Variants in ADARB2 observed in about 807,000 individuals in gnomAD.
The protein encoded by ADARB2 is inactive double-stranded RNA-specific editase B2.
In ADARB2, 25 loss-of-function variants were observed where a neutral mutation model predicts 62.2. The observed-to-expected ratio is 0.40, with a 90% CI of 0.29 to 0.56. The LOEUF is 0.56. ADARB2 is among the 20% of genes least tolerant of loss of function. ADARB2 has a pLI of 0.43. For missense variants in ADARB2, 1,071 were observed against 1,077.4 expected (o/e 0.99, Z 0.08); for synonymous variants, 572 against 500.8 (o/e 1.14, Z -1.90).
At chr10:1,694,970 G>C (rs1424224711) in intron 1 of ADARB2, among the ~76,000 whole-genome samples, 1 of 152,194 alleles carries the variant, frequency 6.6e-6, no homozygotes, top group Non-Finnish European at 1.5e-5. Context: ...GCCTGCACCG[G>C]GAGGGAGACC....
chr10:1,507,019 G>A (rs75223587), intron 1 of ADARB2, among the ~76,000 whole-genome samples: 2 of 152,344 alleles, frequency 1.3e-5, no homozygotes, highest in East Asian at 1.9e-4. Context: ...CTCCCAGCCT[G>A]TGGCACTCAG....
intron 1 of ADARB2, among the ~76,000 whole-genome samples, chr10:1,596,155 T>C (rs115884820): frequency 5.1e-4 from 78 of 152,378 alleles, no homozygotes; most frequent in African/African-American, 1.8e-3. Flanking sequence ...TTTAGGATGA[T>C]TGTCTTCTAA....
intron 1 of ADARB2, among the ~76,000 whole-genome samples, chr10:1,659,651 C>T (rs1292307639): frequency 6.6e-6 from 1 of 152,244 alleles, no homozygotes; most frequent in Non-Finnish European, 1.5e-5. Flanking sequence ...CTGGTGAACT[C>T]GCCTATGCCC....
At chr10:1,647,351 ATG>A (rs756479455) in intron 1 of ADARB2, among the ~76,000 whole-genome samples, 206 of 152,182 alleles carry the variant, frequency 1.4e-3, no homozygotes, top group African/African-American at 1.9e-3. Context: ...GCATGTATAT[ATG>A]TGTGTGTGCA....
At chr10:1,675,085 G>A (rs1834447908) in intron 1 of ADARB2, 8 of 982,424 alleles carry the variant, frequency 8.1e-6, no homozygotes, top group Non-Finnish European at 8.4e-6. Context: ...TGGGTTAAGG[G>A]ATGTGTGGAT....
intron 3 of ADARB2, among the ~76,000 whole-genome samples, chr10:1,287,938 C>T (rs78881818): frequency 1.3e-4 from 20 of 152,354 alleles, no homozygotes; most frequent in Admixed American, 1.1e-3. Context: ...ACATTGTCCT[C>T]GTCAGACTGG....
At chr10:1,444,281 A>C (rs974568429) in intron 1 of ADARB2, among the ~76,000 whole-genome samples, 6,420 of 117,606 alleles carry the variant, frequency 0.055, 228 homozygotes, top group African/African-American at 0.086. Flanking sequence ...CCATCTATCT[A>C]CATCCATCCA....
chr10:1,642,181 C>G (rs1016061750), intron 1 of ADARB2, among the ~76,000 whole-genome samples: 2 of 149,890 alleles, frequency 1.3e-5, no homozygotes, highest in African/African-American at 5.1e-5. Flanking sequence ...AAATCAAAAC[C>G]AGAACTTGTG....
intron 1 of ADARB2, among the ~76,000 whole-genome samples, chr10:1,599,712 TCCTCTGTCTGGAAG>T (rs1833383092): frequency 6.6e-6 from 1 of 152,162 alleles, no homozygotes; most frequent in Non-Finnish European, 1.5e-5. Context: ...AAGTATCCCT[TCCTCTGTCTGGAAG>T]CCTTTGTGAA....
At chr10:1,555,762 C>G (rs1490805420) in intron 1 of ADARB2, among the ~76,000 whole-genome samples, 1 of 152,150 alleles carries the variant, frequency 6.6e-6, no homozygotes, top group Non-Finnish European at 1.5e-5. Context: ...TGGTGAAACC[C>G]TGTCTCTACT....
chr10:1,643,701 C>A (rs928313659), intron 1 of ADARB2, among the ~76,000 whole-genome samples: 3 of 152,214 alleles, frequency 2.0e-5, no homozygotes, highest in Non-Finnish European at 2.9e-5. Flanking sequence ...TTCATGACCA[C>A]AAAGGTCCCT....
Position 1,420,611 on chromosome 10 carries a change from G to GAAAAAAAA in ADARB2, c.101-41452_101-41451insTTTTTTTT, listed in dbSNP as rs755860726. On this transcript the variant is annotated intron_variant, in intron 1 of 9. Coordinates refer to ENST00000381312, the MANE Select transcript of ADARB2 (RefSeq NM_018702.4). Reference sequence around the variant, plus strand: ...GCAGGTCCTCATCTTCCAGAAAGAGGGAAAAAAAAAAAAAAAAAAGGCAGA... The same window carrying GAAAAAAAA: ...GCAGGTCCTCATCTTCCAGAAAGAGGAAAAAAAAGAAAAAAAAAAAAAAAAAAGGCAGA... 1.7e-5 allele frequency among the ~76,000 whole-genome samples: 2 copies of GAAAAAAAA among 121,124 alleles called. 1 individual carries two copies. The allele number at this position is 121,124 out of a possible 152,430, so 79.5% of individuals were successfully genotyped here.
intron 2 of ADARB2, among the ~76,000 whole-genome samples, chr10:1,371,147 C>G (rs1055812293): frequency 3.3e-5 from 5 of 152,150 alleles, no homozygotes; most frequent in African/African-American, 1.2e-4. Flanking sequence ...TGGTCCGTCT[C>G]CAGCCATCTG....
chr10:1,633,521 G>A (rs1833867368), intron 1 of ADARB2, among the ~76,000 whole-genome samples: 1 of 115,326 alleles, frequency 8.7e-6, no homozygotes, highest in South Asian at 2.8e-4. Flanking sequence ...CTCAATGAGT[G>A]AGTCTGTCTG....
rs1057484925 is a variant in ADARB2 at position 1,688,357 on chromosome 10, C to T, written c.100+48694G>A. 2.6e-5 allele frequency among the ~76,000 whole-genome samples: 4 copies of T among 152,238 alleles called. No individual in the cohort carries two copies. In the East Asian group the frequency reaches 7.7e-4, roughly 29 times the overall value. ...GGGGACATCCTCGTTGCTGCCCTGA[C>T]CTCCCCTGCTGTTCCCTGACCCGGT... is the stretch of plus-strand genomic sequence containing the variant. On this transcript the variant is annotated intron_variant, in intron 1 of 9. Transcript: ENST00000381312.
chr10:1,461,171 A>C (rs1260325622), intron 1 of ADARB2, among the ~76,000 whole-genome samples: 1 of 152,210 alleles, frequency 6.6e-6, no homozygotes, highest in Non-Finnish European at 1.5e-5. Context: ...TGACACTTCG[A>C]ACCTCCAGAA....
intron 1 of ADARB2, among the ~76,000 whole-genome samples, chr10:1,561,300 G>C (rs1832784134): frequency 6.6e-6 from 1 of 152,222 alleles, no homozygotes; most frequent in African/African-American, 2.4e-5. Flanking sequence ...GGATGTCATA[G>C]ACCCAGACAA....
At chr10:1,318,774 G>T (rs941419178) in intron 3 of ADARB2, among the ~76,000 whole-genome samples, 1 of 152,168 alleles carries the variant, frequency 6.6e-6, no homozygotes, top group Non-Finnish European at 1.5e-5. Context: ...TCGTTACTGT[G>T]TTGGCCACAG....
At chr10:1,719,310 C>T (rs1011271745) in intron 1 of ADARB2, among the ~76,000 whole-genome samples, 4 of 152,218 alleles carry the variant, frequency 2.6e-5, no homozygotes, top group Admixed American at 6.5e-5. Flanking sequence ...CTCACACACT[C>T]CTCTATTCTC....
Sources: gnomAD v4.1 joint callset for allele counts (sites outside exome capture counted in the v4.1 genomes callset) on GRCh38, gnomAD v4.1.1 for gene constraint, MANE v1.5 for transcripts, NCBI Gene and HGNC (gene_info 2026-07-23, HGNC 2026-07-21) for gene names.